The following TDRD1 variants were observed in gnomAD, a reference collection of about 807,000 sequenced individuals.
TDRD1 encodes the protein tudor domain-containing protein 1.
In TDRD1, 37 loss-of-function variants were observed where a neutral mutation model predicts 140.6. The ratio of observed to expected loss-of-function variants is 0.26; its 90% CI spans 0.20 to 0.35. The LOEUF (loss-of-function observed/expected upper bound fraction) is 0.35, where lower values mean the gene tolerates loss of function less well. TDRD1 is among the 10% of genes least tolerant of loss of function. The pLI is 1.00. For missense variants in TDRD1, 1,243 were observed against 1,393.0 expected (o/e 0.89, Z 1.71); for synonymous variants, 506 against 475.7 (o/e 1.06, Z -0.83).
intron 2 of TDRD1, 118 bp from the exon 3 acceptor site, chr10:114,190,843 A>G (rs1265482003): frequency 2.1e-6 from 2 of 957,092 alleles, no homozygotes; most frequent in African/African-American, 3.3e-5. Context: ...TGGTGTAGCT[A>G]TAAGGTCATT....
At chr10:114,177,764 TA>T (rs907624400), upstream of TDRD1, among the ~76,000 whole-genome samples, 1 of 152,164 alleles carries the variant, frequency 6.6e-6, no homozygotes, top group African/African-American at 2.4e-5. Context: ...CAGACCATGC[TA>T]ATAATAGGGG....
At chr10:114,228,810 G>A in intron 25 of TDRD1, 18 of 984,746 alleles carry the variant, frequency 1.8e-5, no homozygotes, top group Non-Finnish European at 2.2e-5. Flanking sequence ...AGGGCTGGGG[G>A]TGGTGGCTCA....
intron 25 of TDRD1, among the ~76,000 whole-genome samples, chr10:114,230,902 C>CA (rs1031785441): frequency 3.3e-5 from 5 of 151,348 alleles, no homozygotes; most frequent in South Asian, 2.1e-4. Flanking sequence ...TTGTCTCTAC[C>CA]AAAAAAAATA....
intron 3 of TDRD1, among the ~76,000 whole-genome samples, chr10:114,191,451 A>G (rs928380316): frequency 4.6e-5 from 7 of 152,150 alleles, no homozygotes; most frequent in Non-Finnish European, 7.4e-5. Context: ...GACATTTTTG[A>G]GAATATTATA....
intron 11 of TDRD1, among the ~76,000 whole-genome samples, chr10:114,207,616 T>C (rs752031718): frequency 6.6e-6 from 1 of 152,098 alleles, no homozygotes; most frequent in Admixed American, 6.6e-5. Flanking sequence ...GTGGTAGTCA[T>C]GGTTGAAACC....
chr10:114,179,297 T>C lies in TDRD1; in HGVS notation c.-126T>C, dbSNP rs77559927. 1,948 of 152,662 alleles carry C rather than the reference T, an allele frequency of 0.013. 179 individuals are homozygous for C. The East Asian group carries it at 0.25, about 20-fold the overall frequency. 9.5% of individuals were successfully genotyped at this position (152,662 alleles called of 1,614,324 possible). A position where few individuals can be genotyped will look rare whatever the true frequency, so the allele number is the denominator to read the frequency against. On this transcript the variant is annotated 5_prime_UTR_variant, in exon 1 of 26. Transcript: ENST00000251864. ...TGAGGCCAGGAGGGCGCACTGGGGA[T>C]TGGAGGCGAGGGAAGTGCAGGGCGC...
intron 16 of TDRD1, among the ~76,000 whole-genome samples, chr10:114,214,724 C>T (rs2035700419): frequency 6.6e-6 from 1 of 151,574 alleles, no homozygotes; most frequent in Non-Finnish European, 1.5e-5. Flanking sequence ...CCATCATTAC[C>T]TCTTCTTTCT....
At chr10:114,193,632 T>C (rs1263487126) in intron 3 of TDRD1, among the ~76,000 whole-genome samples, 1 of 152,218 alleles carries the variant, frequency 6.6e-6, no homozygotes, top group Non-Finnish European at 1.5e-5. Context: ...GTTTTCTACA[T>C]AGCCAATTAT....
intron 3 of TDRD1, among the ~76,000 whole-genome samples, chr10:114,195,935 G>T (rs1283741729): frequency 3.3e-5 from 5 of 152,070 alleles, no homozygotes; most frequent in Non-Finnish European, 5.9e-5. Flanking sequence ...TCTACATACG[G>T]TATCATGTAT....
At chr10:114,213,915 C>T in intron 15 of TDRD1, 62 bp from the exon 16 acceptor site, 1 of 1,550,000 alleles carries the variant, frequency 6.5e-7, no homozygotes, top group Non-Finnish European at 8.8e-7. Flanking sequence ...GTTCCTCAGC[C>T]ACCCCAACCT....
chr10:114,229,653 A>G (rs891943734), intron 25 of TDRD1, among the ~76,000 whole-genome samples: 7 of 150,040 alleles, frequency 4.7e-5, no homozygotes, highest in African/African-American at 9.8e-5. Context: ...GGTTCACGCA[A>G]TTCTCCCACA....
upstream of TDRD1, among the ~76,000 whole-genome samples, chr10:114,178,390 A>G (rs936948248): frequency 2.6e-5 from 4 of 152,216 alleles, no homozygotes; most frequent in African/African-American, 9.6e-5. Flanking sequence ...GGTTACATTA[A>G]AAGTGCCCAG....
At chr10:114,187,596 T>G (rs1216324127) in intron 1 of TDRD1, among the ~76,000 whole-genome samples, 1 of 152,234 alleles carries the variant, frequency 6.6e-6, no homozygotes, top group Non-Finnish European at 1.5e-5. Flanking sequence ...AGATTTTTGA[T>G]TTTTCATGAG....
intron 3 of TDRD1, among the ~76,000 whole-genome samples, chr10:114,191,226 T>G (rs1206846822): frequency 6.6e-6 from 1 of 152,234 alleles, no homozygotes; most frequent in Non-Finnish European, 1.5e-5. Flanking sequence ...TGTGTAGTCT[T>G]TCACCTATTT....
At chr10:114,216,663 G>A (rs1432553730) in intron 16 of TDRD1, among the ~76,000 whole-genome samples, 3 of 151,150 alleles carry the variant, frequency 2.0e-5, no homozygotes, top group Admixed American at 6.6e-5. Flanking sequence ...TGCTAAAATT[G>A]TAATGAGAGT....
intron 5 of TDRD1, 146 bp downstream of exon 5, chr10:114,201,661 A>G (rs2034752226): frequency 1.7e-6 from 1 of 586,042 alleles, no homozygotes; most frequent in African/African-American, 1.9e-5. Flanking sequence ...TGAAGTGAAC[A>G]GCTCTATGAA....
At chr10:114,212,129 AAAC>A (rs1390168847) in intron 14 of TDRD1, 93 bp downstream of exon 14, 4 of 1,146,048 alleles carry the variant, frequency 3.5e-6, no homozygotes, top group African/African-American at 1.6e-5. Context: ...CTGCTTCTCA[AAAC>A]AACATCATGA....
At chr10:114,197,119 T>G (rs1414243551) in intron 3 of TDRD1, among the ~76,000 whole-genome samples, 1 of 152,090 alleles carries the variant, frequency 6.6e-6, no homozygotes, top group Non-Finnish European at 1.5e-5. Context: ...GTGTTGAGAT[T>G]ACAGGCGTGA....
At chr10:114,229,782 T>A (rs1461108633) in intron 25 of TDRD1, among the ~76,000 whole-genome samples, 2 of 151,038 alleles carry the variant, frequency 1.3e-5, no homozygotes, top group Non-Finnish European at 3.0e-5. Context: ...ATTTCTGGAA[T>A]TTAGTCCTAG....
Sources: allele counts gnomAD v4.1 joint callset (sites outside exome capture counted in the v4.1 genomes callset), GRCh38; gene constraint gnomAD v4.1.1; transcripts MANE v1.5; gene names NCBI Gene and HGNC (gene_info 2026-07-23, HGNC 2026-07-21).